The following KCNAB1 variants were observed in gnomAD, a reference collection of about 807,000 sequenced individuals.
The protein encoded by KCNAB1 is potassium voltage-gated channel subfamily A regulatory beta subunit 1, also known as voltage-gated potassium channel subunit beta-1.
A neutral mutation model predicts 64.6 loss-of-function variants in KCNAB1; 35 were observed. The observed-to-expected ratio is 0.54, with a 90% CI of 0.41 to 0.72. The LOEUF (loss-of-function observed/expected upper bound fraction) is 0.72. Among genes scored for constraint, KCNAB1 ranks in the 30% least tolerant of loss-of-function variants. KCNAB1 has a pLI of 0.00. For synonymous variants in KCNAB1, 177 were observed against 183.8 expected (o/e 0.96, Z 0.30); for missense variants, 401 against 512.9 (o/e 0.78, Z 2.11).
At chr3:156,158,670 GTTTC>G (rs1281072101) in intron 1 of KCNAB1, among the ~76,000 whole-genome samples, 3 of 152,190 alleles carry the variant, frequency 2.0e-5, no homozygotes, top group African/African-American at 7.2e-5. Flanking sequence ...ACAGGACTCT[GTTTC>G]TTTCTCTCTG....
Position 156,474,767 on chromosome 3 carries a change from A to T in KCNAB1, c.605A>T (p.Glu202Val). The T allele has an allele frequency of 6.2e-7, 1 of 1,613,372 alleles. No homozygotes were observed. Among genetic ancestry groups the T allele is most frequent in the Non-Finnish European group, 8.5e-7 (1 of 1,179,512 alleles). ...GGCTCCCTCCAGAGGCTGCAGCTCGAGTATGTGGATGTGGTCTTTGCAAAT... is the reference window on the plus strand; with the variant it reads ...GGCTCCCTCCAGAGGCTGCAGCTCGTGTATGTGGATGTGGTCTTTGCAAAT... ...LKGSLQRLQL[E>V]YVDVVFANRP... The change falls in exon 8 of 14, where the codon GAG becomes GTG. Residue 202 changes from glutamate (E) to valine (V), a missense_variant. Physicochemically the swap from Glu to Val is moderately radical, Grantham distance 121. Transcript: ENST00000490337.
intron 1 of KCNAB1, among the ~76,000 whole-genome samples, chr3:156,219,414 A>G (rs182583011): frequency 1.3e-5 from 2 of 152,238 alleles, no homozygotes; most frequent in African/African-American, 4.8e-5. Context: ...AAAGACAAAG[A>G]AAAAAGAATT....
chr3:156,500,236 C>T (rs926659287), intron 8 of KCNAB1, among the ~76,000 whole-genome samples: 10 of 152,130 alleles, frequency 6.6e-5, no homozygotes, highest in African/African-American at 2.2e-4. Context: ...TTACTGACAG[C>T]CACACCAGTG....
rs181816990 is a variant in KCNAB1 at position 156,459,725 on chromosome 3, T to C, written c.438-102T>C. ...GAGCGGCTTCTATTTTCGGGATATG[T>C]AGGCACTGAGAGTTCAAACAAGGAA... is the stretch of plus-strand genomic sequence containing the variant. On this transcript the variant is annotated intron_variant, in intron 4 of 13. Transcript: ENST00000490337. 1.3e-4 allele frequency: 101 copies of C among 798,036 alleles called. No individual in the cohort carries two copies. In the African/African-American group the frequency reaches 1.6e-3, roughly 13 times the overall value. 49.4% of individuals were successfully genotyped at this position (798,036 alleles called of 1,614,324 possible). A position where few individuals can be genotyped will look rare whatever the true frequency, so the allele number is the denominator to read the frequency against.
chr3:156,419,054 C>T (rs1369180319), intron 1 of KCNAB1, among the ~76,000 whole-genome samples: 2 of 152,136 alleles, frequency 1.3e-5, no homozygotes, highest in African/African-American at 4.8e-5. Flanking sequence ...TTTTTGCTGA[C>T]AGTTCTCATG....
At chr3:156,176,876 TA>T in intron 1 of KCNAB1, 1 of 1,176,762 alleles carries the variant, frequency 8.5e-7, no homozygotes, top group Non-Finnish European at 1.3e-6. Context: ...GGACCAGCGG[TA>T]ACTCTGGGCC....
At chr3:156,363,780 C>T (rs757504012) in intron 1 of KCNAB1, among the ~76,000 whole-genome samples, 1 of 152,008 alleles carries the variant, frequency 6.6e-6, no homozygotes, top group Non-Finnish European at 1.5e-5. Context: ...CTGGCCTCAG[C>T]AATCTTATTT....
At chr3:156,351,811 C>T (rs1171098012) in intron 1 of KCNAB1, among the ~76,000 whole-genome samples, 1 of 152,200 alleles carries the variant, frequency 6.6e-6, no homozygotes, top group Non-Finnish European at 1.5e-5. Flanking sequence ...CTCTCCCTGC[C>T]TTCCTCTGGT....
Position 156,120,881 on chromosome 3 carries a change from G to A in KCNAB1, c.270G>A (p.Pro90=). 1.2e-6 allele frequency: 2 copies of A among 1,613,696 alleles called. No individual in the cohort carries two copies. The highest frequency in any genetic ancestry group is 1.3e-5 in the African/African-American group (1 of 75,058). Residue 90 remains proline (P), a synonymous_variant, in exon 1 of 14, where the codon CCG becomes CCA. Coordinates refer to ENST00000490337, the MANE Select transcript of KCNAB1 (RefSeq NM_172160.3). ...CCACCGTCTGCACCACAGGCATGCC[G>A]CACAGGTAAGCTGCCCCTGCTCTGC... is the stretch of plus-strand genomic sequence containing the variant. The part of the protein sequence containing the change: ...EHTTVCTTGM[P]HRNLGKSGLR...
At chr3:156,429,931 G>A (rs1716090996) in intron 2 of KCNAB1, among the ~76,000 whole-genome samples, 1 of 152,128 alleles carries the variant, frequency 6.6e-6, no homozygotes, top group Non-Finnish European at 1.5e-5. Flanking sequence ...GAGTGTTTTA[G>A]GCATGTCACT....
intron 1 of KCNAB1, among the ~76,000 whole-genome samples, chr3:156,216,751 A>G (rs908048786): frequency 1.3e-5 from 2 of 152,102 alleles, no homozygotes; most frequent in African/African-American, 4.8e-5. Context: ...TTGGACAATT[A>G]GGTAGTTTTA....
chr3:156,348,039 G>A (rs910450536), intron 1 of KCNAB1, among the ~76,000 whole-genome samples: 1 of 152,132 alleles, frequency 6.6e-6, no homozygotes, highest in Non-Finnish European at 1.5e-5. Context: ...TCTGCTATAT[G>A]CAAGCAAACA....
At chr3:156,534,974 A>G (rs919215122) in intron 13 of KCNAB1, among the ~76,000 whole-genome samples, 3 of 151,942 alleles carry the variant, frequency 2.0e-5, no homozygotes, top group African/African-American at 7.3e-5. Context: ...TAATGAATGA[A>G]GGATTCTTCT....
chr3:156,221,104 G>C (rs1240618900), intron 1 of KCNAB1, among the ~76,000 whole-genome samples: 1 of 152,134 alleles, frequency 6.6e-6, no homozygotes, highest in Admixed American at 6.5e-5. Flanking sequence ...GTACCATGCT[G>C]TTTTGGTTAC....
At chr3:156,425,155 T>G (rs2108232024) in intron 2 of KCNAB1, among the ~76,000 whole-genome samples, 1 of 152,328 alleles carries the variant, frequency 6.6e-6, no homozygotes, top group South Asian at 2.1e-4. Context: ...GTCAGCTCAG[T>G]CACGACCTAC....
At chr3:156,506,883 G>GA (rs577489467) in intron 8 of KCNAB1, among the ~76,000 whole-genome samples, 97 of 150,604 alleles carry the variant, frequency 6.4e-4, no homozygotes, top group African/African-American at 1.7e-3. Context: ...GTTTTTCTTC[G>GA]AAAAAAAACA....
At chr3:156,327,349 G>A (rs1723029619) in intron 1 of KCNAB1, among the ~76,000 whole-genome samples, 1 of 152,062 alleles carries the variant, frequency 6.6e-6, no homozygotes, top group Non-Finnish European at 1.5e-5. Context: ...GGCTTGAAAG[G>A]CATTTTCTCA....
At chr3:156,198,387 G>A (rs1385457947) in intron 1 of KCNAB1, among the ~76,000 whole-genome samples, 1 of 152,118 alleles carries the variant, frequency 6.6e-6, no homozygotes. Flanking sequence ...TGACAGTGGG[G>A]TGTTAAAGTC....
chr3:156,491,700 A>G (rs562857163), intron 8 of KCNAB1, among the ~76,000 whole-genome samples: 2 of 152,250 alleles, frequency 1.3e-5, no homozygotes, highest in Admixed American at 1.3e-4. Flanking sequence ...AAAAAAAATT[A>G]GCCTGTAATT....
Sources: allele counts gnomAD v4.1 joint callset (sites outside exome capture counted in the v4.1 genomes callset), GRCh38; gene constraint gnomAD v4.1.1; transcripts MANE v1.5; gene names NCBI Gene and HGNC (gene_info 2026-07-23, HGNC 2026-07-21).